Variants in IDE observed in about 807,000 individuals in gnomAD.
IDE encodes insulin degrading enzyme.
Under a neutral mutation model 133.2 loss-of-function variants are expected in IDE, and 58 were observed. That is an observed-to-expected ratio of 0.44 (90% CI 0.35 to 0.54). The LOEUF is 0.54. Ranked by LOEUF, IDE falls within the 20% of genes least tolerant of loss-of-function variation. The probability of loss-of-function intolerance (pLI) is 0.00; values close to 1 mark genes in which losing one functional copy is unlikely to be tolerated. For missense variants in IDE, 981 were observed against 1,234.0 expected, an observed-to-expected ratio of 0.79 and a Z score of 3.07; for synonymous variants, 396 against 421.3, an observed-to-expected ratio of 0.94 and a Z score of 0.73.
intron 4 of IDE, among the ~76,000 whole-genome samples, chr10:92,524,397 AATAT>A (rs1849441011): frequency 1.1e-5 from 1 of 90,920 alleles, no homozygotes; most frequent in African/African-American, 4.7e-5. Flanking sequence ...TATTTTATAT[AATAT>A]ATAATATATA....
chr10:92,538,661 G>A (rs1258403055), intron 1 of IDE, among the ~76,000 whole-genome samples: 7 of 152,132 alleles, frequency 4.6e-5, no homozygotes, highest in Non-Finnish European at 8.8e-5. Context: ...ACAGAATCAT[G>A]TAGGGATGTT....
At chr10:92,481,571 G>A (rs1428203792) in intron 14 of IDE, among the ~76,000 whole-genome samples, 1 of 152,130 alleles carries the variant, frequency 6.6e-6, no homozygotes, top group East Asian at 1.9e-4. Flanking sequence ...TTAAAAATAC[G>A]TTATTTTGTA....
intron 4 of IDE, among the ~76,000 whole-genome samples, chr10:92,524,363 T>TAA (rs57975380): frequency 7.2e-4 from 7 of 9,666 alleles, no homozygotes; most frequent in South Asian, 2.4e-3. Context: ...ATATTTTATA[T>TAA]TATAATATAT....
intron 5 of IDE, among the ~76,000 whole-genome samples, chr10:92,510,846 T>C (rs115071941): frequency 0.036 from 5,373 of 148,468 alleles, 389 homozygotes; most frequent in African/African-American, 0.12. Context: ...ATATCACACA[T>C]ATGATATATA....
At chr10:92,529,901 TTGTG>T (rs1849821865) in intron 4 of IDE, among the ~76,000 whole-genome samples, 1 of 152,092 alleles carries the variant, frequency 6.6e-6, no homozygotes, top group African/African-American at 2.4e-5. Context: ...GCAGCATTGT[TTGTG>T]TAAGTATCTA....
At chr10:92,572,680 T>C (rs770957673) in intron 1 of IDE, among the ~76,000 whole-genome samples, 2 of 152,208 alleles carry the variant, frequency 1.3e-5, no homozygotes, top group Non-Finnish European at 2.9e-5. Flanking sequence ...CCTACTGTTA[T>C]AATACAGGAC....
At chr10:92,571,707 T>G (rs1843795072) in intron 1 of IDE, among the ~76,000 whole-genome samples, 1 of 152,204 alleles carries the variant, frequency 6.6e-6, no homozygotes, top group Non-Finnish European at 1.5e-5. Context: ...TCTCAAGAGG[T>G]TAGACCAGAA....
chr10:92,457,096 G>A (rs1014728903), intron 22 of IDE, among the ~76,000 whole-genome samples: 1 of 151,846 alleles, frequency 6.6e-6, no homozygotes, highest in African/African-American at 2.4e-5. Flanking sequence ...ATAAGTGCCT[G>A]AGCTAGGATT....
At chr10:92,458,602 A>G (rs1589355391) in intron 22 of IDE, among the ~76,000 whole-genome samples, 1 of 146,432 alleles carries the variant, frequency 6.8e-6, no homozygotes, top group Non-Finnish European at 1.5e-5. Context: ...TCTGGGTTCA[A>G]GTGATTCTCC....
intron 1 of IDE, among the ~76,000 whole-genome samples, chr10:92,565,246 A>G (rs887346313): frequency 8.4e-6 from 1 of 119,730 alleles, no homozygotes; most frequent in Non-Finnish European, 2.0e-5. Context: ...TCTGTCTCAG[A>G]AAAAAAAAAA....
At chr10:92,560,837 C>T (rs567161532) in intron 1 of IDE, among the ~76,000 whole-genome samples, 28 of 151,996 alleles carry the variant, frequency 1.8e-4, no homozygotes, top group Non-Finnish European at 3.4e-4. Context: ...TGCATGCTCA[C>T]AGAGCTCAGG....
rs141996183 is a variant in IDE, at chr10:92,528,295, A to G, written c.661+3453T>C. On this transcript the variant is annotated intron_variant, in intron 4 of 24. Transcript: ENST00000265986. ...TTGACAATAGCTTTTAATCAGCTTG[A>G]AAGTTTTTTATTGTTGTGGTTTATT... 2.0e-3 allele frequency among the ~76,000 whole-genome samples: 306 copies of G among 152,286 alleles called. 6 individuals carry two copies. Among genetic ancestry groups the G allele is most frequent in the African/African-American group, 7.2e-3 (301 of 41,564 alleles).
intron 1 of IDE, among the ~76,000 whole-genome samples, chr10:92,555,646 G>A (rs1842970840): frequency 6.6e-6 from 1 of 152,032 alleles, no homozygotes; most frequent in Non-Finnish European, 1.5e-5. Flanking sequence ...TCTCTTTCAT[G>A]ACAAAAATGC....
intron 1 of IDE, among the ~76,000 whole-genome samples, chr10:92,567,399 T>C (rs7100623): frequency 0.85 from 129,111 of 152,210 alleles, 55,039 homozygotes; most frequent in African/African-American, 0.93. Flanking sequence ...ATAACTAAAC[T>C]CTGCTGAATC....
At position 92,452,897 on chromosome 10, in the gene IDE, G is replaced by C. The variant is rs1844816027; in HGVS notation, c.*1547C>G. ...ATATAAGGAGGTTCTTGAAGGTAGG[G>C]ATAAAAAGATGGTTACAGCACCACA... On this transcript the variant is annotated 3_prime_UTR_variant, in exon 25 of 25. Transcript: ENST00000265986. 6.6e-6 allele frequency: 1 copy of C among 152,280 alleles called. No homozygotes were observed. The highest frequency in any genetic ancestry group is 6.5e-5 in the Admixed American group (1 of 15,284). 9.4% of individuals were successfully genotyped at this position (152,280 alleles called of 1,614,324 possible). A position where few individuals can be genotyped will look rare whatever the true frequency, so the allele number is the denominator to read the frequency against.
At chr10:92,457,735 T>C (rs1045882701) in intron 22 of IDE, among the ~76,000 whole-genome samples, 1 of 152,192 alleles carries the variant, frequency 6.6e-6, no homozygotes, top group Non-Finnish European at 1.5e-5. Flanking sequence ...TACTAATAAC[T>C]GTTACTAGTT....
chr10:92,460,894 G>A (rs969442294), intron 22 of IDE, among the ~76,000 whole-genome samples: 5 of 152,196 alleles, frequency 3.3e-5, no homozygotes, highest in Non-Finnish European at 7.3e-5. Flanking sequence ...AGACAGGAGT[G>A]CAGTGGCATG....
At chr10:92,529,375 T>G (rs1048064072) in intron 4 of IDE, among the ~76,000 whole-genome samples, 3 of 152,214 alleles carry the variant, frequency 2.0e-5, no homozygotes, top group African/African-American at 7.2e-5. Flanking sequence ...AACTTGACAT[T>G]TGCATTACTT....
intron 5 of IDE, among the ~76,000 whole-genome samples, chr10:92,514,377 C>CTTT (rs200269286): frequency 6.8e-6 from 1 of 146,094 alleles, no homozygotes; most frequent in Admixed American, 6.9e-5. Context: ...TCATCATCTG[C>CTTT]TTTTTTTTTT....
Sources: gnomAD v4.1 joint callset for allele counts (sites outside exome capture counted in the v4.1 genomes callset) on GRCh38, gnomAD v4.1.1 for gene constraint, MANE v1.5 for transcripts, NCBI Gene and HGNC (gene_info 2026-07-23, HGNC 2026-07-21) for gene names.